MSH3: variants seen among roughly 807,000 people sequenced by gnomAD.
MSH3 encodes mutS homolog 3.
MSH3 carries 106 observed loss-of-function variants against 123.3 expected under a neutral mutation model. The ratio of observed to expected loss-of-function variants is 0.86; its 90% CI spans 0.73 to 1.01. MSH3 has a LOEUF of 1.01. MSH3 is among the 50% of genes least tolerant of loss of function. MSH3 has a pLI of 0.00. For missense variants in MSH3, 1,459 were observed against 1,347.6 expected (o/e 1.08, Z -1.29); for synonymous variants, 515 against 481.4 (o/e 1.07, Z -0.91).
intron 19 of MSH3, among the ~76,000 whole-genome samples, chr5:80,805,693 C>T (rs1744877052): frequency 1.4e-5 from 2 of 143,602 alleles, no homozygotes; most frequent in South Asian, 4.6e-4. Flanking sequence ...CTCCAGGGTT[C>T]AGGCGATTCT....
At chr5:80,687,362 A>G (rs1276657457) in intron 8 of MSH3, among the ~76,000 whole-genome samples, 2 of 152,220 alleles carry the variant, frequency 1.3e-5, no homozygotes, top group Non-Finnish European at 2.9e-5. Context: ...GGTTGAGAGG[A>G]AAGCTTTAGA....
chr5:80,702,231 A>T (rs1750629424), intron 8 of MSH3, among the ~76,000 whole-genome samples: 1 of 152,054 alleles, frequency 6.6e-6, no homozygotes, highest in Non-Finnish European at 1.5e-5. Flanking sequence ...CTTATTTTAT[A>T]CCTTCAGCTC....
At position 80,847,152 on chromosome 5, in the gene MSH3, C is replaced by T. The variant is rs184679730; in HGVS notation, c.2814-6978C>T. Among the ~76,000 whole-genome samples, 200 of 152,110 alleles carry T rather than the reference C, an allele frequency of 1.3e-3. 2 individuals are homozygous for T. Among genetic ancestry groups the T allele is most frequent in the African/African-American group, 4.5e-3 (187 of 41,500 alleles). ...TCAGCTCACTGTAACCTCTGCCTCC[C>T]GGGCTCAAGCGATTTTCCTGCCTTA... On this transcript the variant is annotated intron_variant, in intron 20 of 23. Coordinates refer to ENST00000265081, the MANE Select transcript of MSH3 (RefSeq NM_002439.5).
intron 13 of MSH3, among the ~76,000 whole-genome samples, chr5:80,762,825 G>GTTATGTTATGTTATTTTATGTTATT: frequency 7.1e-6 from 1 of 140,510 alleles, no homozygotes; most frequent in African/African-American, 2.7e-5. Flanking sequence ...GTTATGTTAT[G>GTTATGTTATGTTATTTTATGTTATT]TTATGTTATT....
At chr5:80,673,323 GT>G (rs1749763109) in intron 6 of MSH3, among the ~76,000 whole-genome samples, 1 of 152,098 alleles carries the variant, frequency 6.6e-6, no homozygotes, top group Admixed American at 6.5e-5. Context: ...GAGCCCAGGA[GT>G]TTGAGACCAG....
chr5:80,740,738 G>A (rs1207527633), intron 10 of MSH3, among the ~76,000 whole-genome samples: 5 of 145,868 alleles, frequency 3.4e-5, no homozygotes, highest in South Asian at 2.2e-4. Flanking sequence ...TTGCCGAGGC[G>A]TAGTCTCACT....
intron 20 of MSH3, among the ~76,000 whole-genome samples, chr5:80,835,992 T>G (rs1024336305): frequency 2.0e-5 from 3 of 152,146 alleles, no homozygotes; most frequent in African/African-American, 4.8e-5. Flanking sequence ...ATTACTATAA[T>G]AAGCTTTCCA....
intron 22 of MSH3, 72 bp downstream of exon 22, chr5:80,865,014 G>C: frequency 7.2e-7 from 1 of 1,380,058 alleles, no homozygotes; most frequent in South Asian, 1.2e-5. Flanking sequence ...GTTGGAACAT[G>C]AACTTACTGC....
At chr5:80,855,997 A>T (rs34816304) in intron 21 of MSH3, among the ~76,000 whole-genome samples, 23,801 of 147,470 alleles carry the variant, frequency 0.16, 1,962 homozygotes, top group East Asian at 0.25. Flanking sequence ...TGATCCTTCC[A>T]CTTCGGCCTC....
intron 15 of MSH3, among the ~76,000 whole-genome samples, chr5:80,773,437 G>A (rs1744246099): frequency 6.6e-6 from 1 of 152,140 alleles, no homozygotes; most frequent in Non-Finnish European, 1.5e-5. Flanking sequence ...TGAAACTGTA[G>A]TAATTCTCTA....
intron 10 of MSH3, among the ~76,000 whole-genome samples, chr5:80,739,638 C>G (rs192672199): frequency 6.6e-6 from 1 of 152,170 alleles, no homozygotes; most frequent in African/African-American, 2.4e-5. Flanking sequence ...CACTTGCTAT[C>G]CTTTCAGTTT....
chr5:80,772,428 C>A (rs150984404), intron 15 of MSH3, among the ~76,000 whole-genome samples: 2 of 152,154 alleles, frequency 1.3e-5, no homozygotes, highest in Non-Finnish European at 2.9e-5. Context: ...GTAAGAGTTT[C>A]GGCAAGCCTA....
At chr5:80,717,769 T>G (rs956039456) in intron 8 of MSH3, among the ~76,000 whole-genome samples, 1 of 152,228 alleles carries the variant, frequency 6.6e-6, no homozygotes. Flanking sequence ...GAGAGCATTT[T>G]TTTTTTCATA....
chr5:80,684,920 T>G (rs536314399), intron 8 of MSH3, among the ~76,000 whole-genome samples: 4 of 152,086 alleles, frequency 2.6e-5, no homozygotes, highest in African/African-American at 9.7e-5. Context: ...ATGAAATGAT[T>G]ATGTGTTTTT....
intron 20 of MSH3, among the ~76,000 whole-genome samples, chr5:80,819,444 A>ATG (rs1160637674): frequency 4.3e-4 from 20 of 47,030 alleles, no homozygotes; most frequent in African/African-American, 7.7e-4. Context: ...ATATATATGT[A>ATG]TATGTGTGTG....
chr5:80,719,457 T>G (rs143647543), intron 8 of MSH3, among the ~76,000 whole-genome samples: 1 of 152,216 alleles, frequency 6.6e-6, no homozygotes, highest in African/African-American at 2.4e-5. Context: ...AATTCAGGGC[T>G]AAAGAGTTTT....
intron 20 of MSH3, among the ~76,000 whole-genome samples, chr5:80,840,010 A>G (rs1034415382): frequency 1.3e-5 from 2 of 152,206 alleles, no homozygotes; most frequent in Admixed American, 1.3e-4. Flanking sequence ...TTTAGACAGT[A>G]TCTGTTAACC....
chr5:80,739,607 A>G (rs562953318), intron 10 of MSH3, among the ~76,000 whole-genome samples: 2 of 152,334 alleles, frequency 1.3e-5, no homozygotes, highest in Admixed American at 6.5e-5. Context: ...AACTGCTACC[A>G]GAGGGAGAGA....
intron 17 of MSH3, among the ~76,000 whole-genome samples, chr5:80,780,588 C>T (rs1333843691): frequency 6.6e-6 from 1 of 152,108 alleles, no homozygotes; most frequent in African/African-American, 2.4e-5. Context: ...ATAAACAGGC[C>T]AGGCGCAGTG....
Sources: gnomAD v4.1 joint callset for allele counts (sites outside exome capture counted in the v4.1 genomes callset) on GRCh38, gnomAD v4.1.1 for gene constraint, MANE v1.5 for transcripts, NCBI Gene and HGNC (gene_info 2026-07-23, HGNC 2026-07-21) for gene names.